Variants in RBFOX1 observed in about 807,000 individuals in gnomAD.
RBFOX1 encodes the protein RNA binding fox-1 homolog 1, also known as RNA binding protein fox-1 homolog 1.
RBFOX1 carries 8 observed loss-of-function variants against 57.7 expected under a neutral mutation model. The ratio of observed to expected loss-of-function variants is 0.14; its 90% CI spans 0.08 to 0.25. The LOEUF (loss-of-function observed/expected upper bound fraction) is 0.25. Ranked by LOEUF, RBFOX1 falls within the 10% of genes least tolerant of loss-of-function variation. The pLI, the probability that RBFOX1 is intolerant of heterozygous loss-of-function variation, is 1.00. For missense variants in RBFOX1, 611 were observed against 548.5 expected (o/e 1.11, Z -1.14); for synonymous variants, 326 against 222.4 (o/e 1.47, Z -4.15).
chr16:6,229,219 T>G (rs2097439825), intron 1 of RBFOX1, among the ~76,000 whole-genome samples: 2 of 152,068 alleles, frequency 1.3e-5, no homozygotes, highest in Non-Finnish European at 2.9e-5. Flanking sequence ...CTCACAGGAT[T>G]GCTTTAGCTG....
At chr16:6,896,968 G>C (rs1198024279) in intron 3 of RBFOX1, among the ~76,000 whole-genome samples, 2 of 152,172 alleles carry the variant, frequency 1.3e-5, no homozygotes, top group East Asian at 3.9e-4. Flanking sequence ...CAGCTGACAG[G>C]CCGTCTAAGG....
At chr16:6,915,882 C>G (rs1449952056) in intron 3 of RBFOX1, among the ~76,000 whole-genome samples, 1 of 152,094 alleles carries the variant, frequency 6.6e-6, no homozygotes, top group Non-Finnish European at 1.5e-5. Flanking sequence ...AATAATTCTC[C>G]TGAAGTGGAC....
chr16:5,590,059 AC>A (rs58033394), intron 2 of RBFOX1, among the ~76,000 whole-genome samples: 1 of 143,404 alleles, frequency 7.0e-6, no homozygotes, highest in African/African-American at 2.7e-5. Flanking sequence ...ACACACACAC[AC>A]ACACACACAC....
In RBFOX1 at chr16:5,749,844, C is replaced by T. The variant is rs568783768; in HGVS notation, c.319-117459C>T. On this transcript the variant is annotated intron_variant, in intron 3 of 19. Coordinates refer to the RBFOX1 transcript ENST00000641259. ...CGTTAGTTCAGAGAAGTTTGATCGT[C>T]TGAAGCCTTCTTCTCTCAACTCGTC... is the stretch of plus-strand genomic sequence containing the variant. Among the ~76,000 whole-genome samples the T allele has an allele frequency of 2.0e-4, 31 of 152,284 alleles. No individual in the cohort carries two copies. The East Asian group carries it at 5.6e-3, about 28-fold the overall frequency.
At chr16:6,384,145 C>T (rs1242477351) in intron 2 of RBFOX1, among the ~76,000 whole-genome samples, 1 of 147,488 alleles carries the variant, frequency 6.8e-6, no homozygotes, top group Non-Finnish European at 1.5e-5. Flanking sequence ...TTGAAAGGTG[C>T]TGGATCATTA....
intron 2 of RBFOX1, among the ~76,000 whole-genome samples, chr16:6,593,484 T>C (rs532230759): frequency 1.3e-5 from 2 of 152,294 alleles, no homozygotes; most frequent in South Asian, 2.1e-4. Context: ...CAGTTTTCCT[T>C]GTACTAGAGG....
chr16:5,988,445 G>A (rs183533765), intron 4 of RBFOX1, among the ~76,000 whole-genome samples: 95 of 152,278 alleles, frequency 6.2e-4, no homozygotes, highest in African/African-American at 2.2e-3. Flanking sequence ...TGGGAGGCAG[G>A]TGCTCTCTGA....
chr16:6,282,198 C>G (rs536834029), intron 1 of RBFOX1, among the ~76,000 whole-genome samples: 1 of 152,030 alleles, frequency 6.6e-6, no homozygotes, highest in Non-Finnish European at 1.5e-5. Context: ...TGCGCATAGA[C>G]CAGCATGCTT....
At chr16:7,647,369 T>G (rs2063952473) in intron 11 of RBFOX1, among the ~76,000 whole-genome samples, 1 of 152,218 alleles carries the variant, frequency 6.6e-6, no homozygotes, top group African/African-American at 2.4e-5. Flanking sequence ...TCTCTTTGAT[T>G]CATGCTGGAT....
chr16:7,182,348 C>A (rs777996507), intron 4 of RBFOX1, among the ~76,000 whole-genome samples: 1 of 152,190 alleles, frequency 6.6e-6, no homozygotes, highest in Non-Finnish European at 1.5e-5. Context: ...TAAAAAGCAT[C>A]TTCCATTCTT....
At chr16:5,771,840 G>C (rs563462676) in intron 3 of RBFOX1, among the ~76,000 whole-genome samples, 1 of 152,172 alleles carries the variant, frequency 6.6e-6, no homozygotes, top group Non-Finnish European at 1.5e-5. Flanking sequence ...TAGTTATTTC[G>C]TGTGATAGTG....
chr16:7,188,747 G>A (rs116364427), intron 4 of RBFOX1, among the ~76,000 whole-genome samples: 2,171 of 152,264 alleles, frequency 0.014, 53 homozygotes, highest in African/African-American at 0.049. Flanking sequence ...ATACAGATTT[G>A]CCTTGTAATT....
At chr16:5,387,577 A>G (rs1458680628) in intron 1 of RBFOX1, among the ~76,000 whole-genome samples, 1 of 152,188 alleles carries the variant, frequency 6.6e-6, no homozygotes, top group African/African-American at 2.4e-5. Flanking sequence ...AAGTGCTTGG[A>G]TTTATATTGC....
chr16:6,169,703 G>C (rs866826600), intron 1 of RBFOX1, among the ~76,000 whole-genome samples: 2 of 152,204 alleles, frequency 1.3e-5, no homozygotes, highest in Non-Finnish European at 2.9e-5. Context: ...AGTGATTGAG[G>C]TGCAGCCACT....
rs187231538 is a variant in RBFOX1 at position 6,793,407 on chromosome 16, C to T, written c.-16+138757C>T. Among the ~76,000 whole-genome samples the T allele has an allele frequency of 2.2e-4, 34 of 152,184 alleles. 1 individual carries two copies. The highest frequency in any genetic ancestry group is 7.5e-4 in the African/African-American group (31 of 41,510). On this transcript the variant is annotated intron_variant, in intron 3 of 15. Transcript: ENST00000550418. ...ATAGGTTCACTGCAGGAGGGTGGGA[C>T]ATTCTTACCTGTTCGTAATACAGAA...
chr16:7,618,717 A>G (rs2058849372), intron 10 of RBFOX1, among the ~76,000 whole-genome samples: 3 of 152,212 alleles, frequency 2.0e-5, no homozygotes. Flanking sequence ...TGTTAATTAC[A>G]TGTAGATACT....
intron 3 of RBFOX1, among the ~76,000 whole-genome samples, chr16:6,928,469 C>T (rs1440382689): frequency 1.3e-5 from 2 of 152,116 alleles, no homozygotes; most frequent in African/African-American, 2.4e-5. Flanking sequence ...GAGGAAAGAA[C>T]GTTCAACTCA....
chr16:7,590,784 G>T (rs146738306), intron 7 of RBFOX1, among the ~76,000 whole-genome samples: 2,909 of 151,034 alleles, frequency 0.019, 83 homozygotes, highest in African/African-American at 0.068. Flanking sequence ...ACTTGAACCC[G>T]GGGGGTGGAG....
chr16:6,413,244 G>A lies in RBFOX1; in HGVS notation c.-64+96187G>A, dbSNP rs149953498. Among the ~76,000 whole-genome samples the A allele has an allele frequency of 1.6e-3, 249 of 151,158 alleles. 2 individuals carry two copies. The highest frequency in any genetic ancestry group is 0.012 in the East Asian group (62 of 5,102). The stretch of plus-strand genomic sequence containing the variant: ...TGAGGCATGAAGATCACTTGAACCC[G>A]GAAGGCAGAGGTTGTGGTGAGCTGA... On this transcript the variant is annotated intron_variant, in intron 2 of 15. Coordinates refer to ENST00000550418, the MANE Select transcript of RBFOX1 (RefSeq NM_018723.4).
Sources: gnomAD v4.1 joint callset for allele counts (sites outside exome capture counted in the v4.1 genomes callset) on GRCh38, gnomAD v4.1.1 for gene constraint, MANE v1.5 for transcripts, NCBI Gene and HGNC (gene_info 2026-07-23, HGNC 2026-07-21) for gene names.